Variants in CDC73 observed in about 807,000 individuals in gnomAD.
The protein encoded by CDC73 is parafibromin.
A neutral mutation model predicts 83.7 loss-of-function variants in CDC73; 21 were observed. The ratio of observed to expected loss-of-function variants is 0.25; its 90% CI spans 0.18 to 0.36. The LOEUF (loss-of-function observed/expected upper bound fraction) is 0.36. CDC73 is among the 10% of genes least tolerant of loss of function. The probability of loss-of-function intolerance (pLI) is 1.00; values close to 1 mark genes in which losing one functional copy is unlikely to be tolerated. For missense variants in CDC73, 342 were observed against 653.3 expected, an observed-to-expected ratio of 0.52 and a Z score of 5.19; for synonymous variants, 224 against 212.9, an observed-to-expected ratio of 1.05 and a Z score of -0.45.
At chr1:193,216,639 TA>T (rs896564317) in intron 13 of CDC73, among the ~76,000 whole-genome samples, 37 of 145,586 alleles carry the variant, frequency 2.5e-4, no homozygotes, top group African/African-American at 4.1e-4. Context: ...GAGAGACAAT[TA>T]AAAAAAAAAA....
At chr1:193,128,848 T>G (rs1263817766) in intron 2 of CDC73, among the ~76,000 whole-genome samples, 1 of 152,206 alleles carries the variant, frequency 6.6e-6, no homozygotes, top group Non-Finnish European at 1.5e-5. Context: ...TACTTCATTG[T>G]TACACATATA....
intron 16 of CDC73, 103 bp downstream of exon 16, chr1:193,249,974 C>T (rs1678020203): frequency 3.8e-6 from 4 of 1,063,430 alleles, no homozygotes; most frequent in Non-Finnish European, 5.8e-6. Flanking sequence ...TCCCTAATTC[C>T]CTTCTTTCAA....
rs1007365395 is a variant in CDC73 at position 193,254,237 on chromosome 1, T to C, written c.*3525T>C. Reference sequence around the variant, plus strand: ...TTGGTTTGTCTGGTTAAAGTCCATATAGAATGCTGAGAAATAATTTATAAA... The same window carrying C: ...TTGGTTTGTCTGGTTAAAGTCCATACAGAATGCTGAGAAATAATTTATAAA... On this transcript the variant is annotated 3_prime_UTR_variant, in exon 17 of 17. Transcript: ENST00000367435. 6.6e-6 allele frequency among the ~76,000 whole-genome samples: 1 copy of C among 152,038 alleles called. No homozygotes were observed. The highest frequency in any genetic ancestry group is 1.5e-5 in the Non-Finnish European group (1 of 67,918).
chr1:193,220,207 C>G (rs1206732026), intron 13 of CDC73, among the ~76,000 whole-genome samples: 1 of 140,520 alleles, frequency 7.1e-6, no homozygotes, highest in Non-Finnish European at 1.5e-5. Flanking sequence ...CGCCGTGTCA[C>G]CCAGGCTGGA....
intron 15 of CDC73, among the ~76,000 whole-genome samples, chr1:193,237,345 A>G (rs554905172): frequency 1.2e-4 from 18 of 152,244 alleles, no homozygotes; most frequent in African/African-American, 4.1e-4. Flanking sequence ...AAGAATTCTA[A>G]TATTACTGAC....
chr1:193,177,093 A>T (rs1290557996), intron 10 of CDC73, among the ~76,000 whole-genome samples: 2 of 152,082 alleles, frequency 1.3e-5, no homozygotes, highest in Non-Finnish European at 2.9e-5. Flanking sequence ...AAATGGTATG[A>T]AGCCTGGAGG....
chr1:193,126,015 A>G (rs1207074320), intron 2 of CDC73, among the ~76,000 whole-genome samples: 1 of 152,178 alleles, frequency 6.6e-6, no homozygotes, highest in Non-Finnish European at 1.5e-5. Flanking sequence ...AATCCCAGCT[A>G]CTTGGGACTC....
At chr1:193,123,479 C>T (rs1675503904) in intron 1 of CDC73, among the ~76,000 whole-genome samples, 1 of 152,184 alleles carries the variant, frequency 6.6e-6, no homozygotes, top group Admixed American at 6.5e-5. Context: ...TGCCCGCCTC[C>T]ACTTCCCAAA....
At chr1:193,185,403 G>A (rs887883953) in intron 10 of CDC73, among the ~76,000 whole-genome samples, 5 of 151,924 alleles carry the variant, frequency 3.3e-5, no homozygotes, top group Admixed American at 2.0e-4. Context: ...GTGATCTTAT[G>A]TTAATGCTTT....
chr1:193,216,316 G>A (rs1009706096), intron 13 of CDC73, among the ~76,000 whole-genome samples: 1 of 152,092 alleles, frequency 6.6e-6, no homozygotes, highest in Non-Finnish European at 1.5e-5. Context: ...GAACACCCCT[G>A]TGCACACAAA....
At chr1:193,156,605 A>G (rs763947944) in intron 10 of CDC73, among the ~76,000 whole-genome samples, 7 of 152,130 alleles carry the variant, frequency 4.6e-5, no homozygotes, top group Non-Finnish European at 1.0e-4. Flanking sequence ...AAAAGCAGGA[A>G]CACATACATA....
intron 5 of CDC73, among the ~76,000 whole-genome samples, chr1:193,135,816 C>T (rs1169088269): frequency 6.7e-6 from 1 of 149,030 alleles, no homozygotes; most frequent in Non-Finnish European, 1.5e-5. Flanking sequence ...CTTTTATATT[C>T]TTATGGATGA....
intron 13 of CDC73, among the ~76,000 whole-genome samples, chr1:193,224,228 A>G (rs915214124): frequency 1.3e-5 from 2 of 151,834 alleles, no homozygotes; most frequent in Admixed American, 6.6e-5. Context: ...TTTTTTGGGA[A>G]TTATTGTTGC....
intron 7 of CDC73, among the ~76,000 whole-genome samples, chr1:193,145,735 A>T (rs1476762829): frequency 6.6e-6 from 1 of 152,222 alleles, no homozygotes; most frequent in Non-Finnish European, 1.5e-5. Context: ...TTGCTGCTCC[A>T]GAGAATTATA....
intron 6 of CDC73, among the ~76,000 whole-genome samples, chr1:193,140,509 T>C (rs1377635802): frequency 6.6e-6 from 1 of 152,210 alleles, no homozygotes; most frequent in Non-Finnish European, 1.5e-5. Context: ...GGAAGCACTT[T>C]GGCAGTGGCA....
intron 10 of CDC73, 49 bp downstream of exon 10, chr1:193,152,493 G>GCTACTCACATAA: frequency 8.6e-7 from 1 of 1,157,434 alleles, no homozygotes; most frequent in Non-Finnish European, 1.3e-6. Context: ...GATTTTATGT[G>GCTACTCACATAA]AGTAGCACAT....
At position 193,249,674 on chromosome 1, in the gene CDC73, T is replaced by G. The variant is rs1678013198; in HGVS notation, c.1418-56T>G. The G allele has an allele frequency of 2.1e-6, 3 of 1,408,222 alleles. No individual in the cohort carries two copies. In the South Asian group the frequency reaches 3.5e-5, roughly 17 times the overall value. The allele number at this position is 1,408,222 out of a possible 1,614,324, so 87.2% of individuals were successfully genotyped here. On this transcript the variant is annotated intron_variant, in intron 15 of 16. Coordinates refer to ENST00000367435, the MANE Select transcript of CDC73 (RefSeq NM_024529.5). ...TTCAGTTGGTGGAATAAAGAAATTT[T>G]TTTCTTTTTTTTTATTTTGAGTAAA...
chr1:193,168,817 G>A (rs553615148), intron 10 of CDC73, among the ~76,000 whole-genome samples: 62 of 152,284 alleles, frequency 4.1e-4, no homozygotes, highest in African/African-American at 1.3e-3. Flanking sequence ...GAGCCACAGC[G>A]TCTGGCTGAC....
chr1:193,125,759 A>ATT (rs112649489), intron 2 of CDC73, among the ~76,000 whole-genome samples: 2 of 134,110 alleles, frequency 1.5e-5, no homozygotes, highest in Non-Finnish European at 3.3e-5. Flanking sequence ...GTATTAACAC[A>ATT]TTTTTTTTTT....
Sources: allele counts gnomAD v4.1 joint callset (sites outside exome capture counted in the v4.1 genomes callset), GRCh38; gene constraint gnomAD v4.1.1; transcripts MANE v1.5; gene names NCBI Gene and HGNC (gene_info 2026-07-23, HGNC 2026-07-21).